TERB1: variants seen among roughly 807,000 people sequenced by gnomAD.
TERB1 encodes the protein telomere repeat binding bouquet formation protein 1, also known as telomere repeats-binding bouquet formation protein 1.
In TERB1, 63 loss-of-function variants were observed where a neutral mutation model predicts 92.3. The ratio of observed to expected loss-of-function variants is 0.68; its 90% CI spans 0.56 to 0.84. The LOEUF (loss-of-function observed/expected upper bound fraction) is 0.84, where lower values mean the gene tolerates loss of function less well. TERB1 is among the 40% of genes least tolerant of loss of function. TERB1 has a pLI of 0.00. For synonymous variants in TERB1, 252 were observed against 283.9 expected (o/e 0.89, Z 1.13); for missense variants, 709 against 843.7 (o/e 0.84, Z 1.98).
chr16:66,765,791 C>T (rs554787112), intron 16 of TERB1, among the ~76,000 whole-genome samples: 17 of 146,058 alleles, frequency 1.2e-4, no homozygotes, highest in South Asian at 6.5e-4. Context: ...ATATGTGCAT[C>T]TGCTGGGAGG....
At chr16:66,768,823 G>C (rs1388120353) in intron 14 of TERB1, among the ~76,000 whole-genome samples, 1 of 152,122 alleles carries the variant, frequency 6.6e-6, no homozygotes, top group East Asian at 1.9e-4. Flanking sequence ...GCTAACCCTA[G>C]CCGGGTGCGG....
intron 16 of TERB1, among the ~76,000 whole-genome samples, chr16:66,765,268 G>C (rs1233193250): frequency 6.6e-6 from 1 of 152,142 alleles, no homozygotes; most frequent in East Asian, 1.9e-4. Context: ...TTTGACCAGA[G>C]ATTCCCAAAC....
chr16:66,754,891 G>T lies in TERB1; in HGVS notation c.*85C>A. The T allele has an allele frequency of 1.6e-6, 2 of 1,240,986 alleles. No homozygotes were observed. Among genetic ancestry groups the T allele is most frequent in the Non-Finnish European group, 2.2e-6 (2 of 891,452 alleles). The allele number at this position is 1,240,986 out of a possible 1,614,324, so 76.9% of individuals were successfully genotyped here. On this transcript the variant is annotated 3_prime_UTR_variant, in exon 19 of 19. Transcript: ENST00000433154. ...TCCTCATTTCCACATTCCTTCTCAT[G>T]AGAGTTTAGAAAAATACTTTAAATG...
intron 16 of TERB1, among the ~76,000 whole-genome samples, chr16:66,766,710 C>T (rs751173145): frequency 6.6e-6 from 1 of 152,080 alleles, no homozygotes; most frequent in Non-Finnish European, 1.5e-5. Context: ...GGTATTAAGA[C>T]AAAAAGATAA....
At chr16:66,765,617 C>T (rs1457771382) in intron 16 of TERB1, among the ~76,000 whole-genome samples, 1 of 151,614 alleles carries the variant, frequency 6.6e-6, no homozygotes, top group African/African-American at 2.4e-5. Context: ...GCTGCCATGC[C>T]CAGCTAATTT....
At chr16:66,759,994 A>G (rs2018205261) in intron 16 of TERB1, among the ~76,000 whole-genome samples, 1 of 139,120 alleles carries the variant, frequency 7.2e-6, no homozygotes, top group Admixed American at 7.2e-5. Context: ...TTAGCCAGGC[A>G]TGGTGGTGGG....
In TERB1 at chr16:66,790,952, T is replaced by C. The variant is rs1420821280; in HGVS notation, c.99A>G (p.Gln33=). The change falls in exon 4 of 19, where the codon CAA becomes CAG. Residue 33 remains glutamine (Q), a synonymous_variant. Coordinates refer to ENST00000433154, the MANE Select transcript of TERB1 (RefSeq NM_001136505.2). ...LKYQMDNAFS[Q]KEALVTIHSI... ...AATGAATAGTGACCAAAGCTTCCTT[T>C]TGTGAAAAAGCATTGTCCATTTGAT... 11 of 1,549,856 alleles carry C rather than the reference T, an allele frequency of 7.1e-6. No homozygotes were observed. In the East Asian group the frequency reaches 2.7e-4, roughly 38 times the overall value.
rs112544756 is a variant in TERB1 at position 66,760,710 on chromosome 16, C to G, written c.1781-1420G>C. 1.0e-3 allele frequency among the ~76,000 whole-genome samples: 124 copies of G among 118,528 alleles called. 1 individual carries two copies. Among genetic ancestry groups the G allele is most frequent in the Non-Finnish European group, 1.9e-3 (111 of 59,264 alleles). The allele number at this position is 118,528 out of a possible 152,430, so 77.8% of individuals were successfully genotyped here. A position where few individuals can be genotyped will look rare whatever the true frequency, so the allele number is the denominator to read the frequency against. On this transcript the variant is annotated intron_variant, in intron 16 of 18. Transcript: ENST00000433154. The stretch of plus-strand genomic sequence containing the variant: ...CTGAGGCAGGAGAATCGCTTGAACC[C>G]GCCAGGCGGAGGTTGCAGTGAGCTG...
chr16:66,791,059 TA>T, intron 3 of TERB1, 40 bp from the exon 4 acceptor site: 1 of 1,195,098 alleles, frequency 8.4e-7, no homozygotes, highest in Non-Finnish European at 1.2e-6. Context: ...CCAAAAGGTT[TA>T]TTTCATAAAC....
chr16:66,778,654 G>A (rs2018587435), intron 10 of TERB1, among the ~76,000 whole-genome samples: 1 of 152,142 alleles, frequency 6.6e-6, no homozygotes, highest in Admixed American at 6.6e-5. Context: ...CTGACCTCAG[G>A]TGATCTGCCC....
chr16:66,778,580 G>T (rs2018586478), intron 10 of TERB1, among the ~76,000 whole-genome samples: 1 of 151,980 alleles, frequency 6.6e-6, no homozygotes, highest in Non-Finnish European at 1.5e-5. Context: ...ACCACGTTTG[G>T]CTAATTTTTG....
intron 2 of TERB1, among the ~76,000 whole-genome samples, chr16:66,800,620 T>TA (rs1959250284): frequency 6.6e-6 from 1 of 151,984 alleles, no homozygotes; most frequent in Admixed American, 6.5e-5. Flanking sequence ...TCTTTTTGTG[T>TA]AAGGCTGGCA....
At chr16:66,801,829 T>C (rs546320280), upstream of TERB1, among the ~76,000 whole-genome samples, 87 of 152,250 alleles carry the variant, frequency 5.7e-4, no homozygotes, top group Non-Finnish European at 1.0e-3. Context: ...ATTAGGGGAC[T>C]GTGCACGCGG....
Position 66,786,209 on chromosome 16 carries a change from A to C in TERB1, c.461+16T>G. 6.5e-7 allele frequency: 1 copy of C among 1,543,920 alleles called. No individual in the cohort carries two copies. Among genetic ancestry groups the C allele is most frequent in the Non-Finnish European group, 8.8e-7 (1 of 1,142,082 alleles). Reference sequence around the variant, plus strand: ...AGTAATGAATAATTAACAAAAAGAAATTTGTATTTGTTTACCTGAATAACC... The same window carrying C: ...AGTAATGAATAATTAACAAAAAGAACTTTGTATTTGTTTACCTGAATAACC... On this transcript the variant is annotated intron_variant, in intron 7 of 18. Coordinates refer to ENST00000433154, the MANE Select transcript of TERB1 (RefSeq NM_001136505.2).
chr16:66,769,962 C>T lies in TERB1; in HGVS notation c.1619+1G>A. On this transcript the variant is annotated splice_donor_variant, in intron 14 of 18. Coordinates refer to ENST00000433154, the MANE Select transcript of TERB1 (RefSeq NM_001136505.2). LOFTEE classifies it high-confidence loss of function. Reference sequence around the variant, plus strand: ...AGTTACACACAATTATTAAACTATACCTTGATTGAGAAACAAAATTCTTTT... The same window carrying T: ...AGTTACACACAATTATTAAACTATATCTTGATTGAGAAACAAAATTCTTTT... The T allele has an allele frequency of 1.3e-6, 2 of 1,541,384 alleles. No homozygotes were observed. Among genetic ancestry groups the T allele is most frequent in the South Asian group, 1.2e-5 (1 of 83,620 alleles).
intron 10 of TERB1, among the ~76,000 whole-genome samples, chr16:66,778,174 T>C (rs764262796): frequency 6.6e-6 from 1 of 152,222 alleles, no homozygotes; most frequent in Non-Finnish European, 1.5e-5. Context: ...TCTGACCTCA[T>C]ACTTAGCAGA....
intron 13 of TERB1, 135 bp downstream of exon 13, chr16:66,772,454 C>G: frequency 5.2e-6 from 4 of 771,726 alleles, no homozygotes; most frequent in Admixed American, 3.3e-5. Flanking sequence ...TGCACTCCAA[C>G]CTGGGCAACA....
intron 11 of TERB1, among the ~76,000 whole-genome samples, chr16:66,776,787 C>A (rs2018556159): frequency 6.6e-6 from 1 of 152,058 alleles, no homozygotes; most frequent in Non-Finnish European, 1.5e-5. Flanking sequence ...AAGAAAGAAT[C>A]TTTGAAAGTT....
chr16:66,785,346 T>C (rs1380999732), intron 9 of TERB1, among the ~76,000 whole-genome samples: 1 of 152,202 alleles, frequency 6.6e-6, no homozygotes, highest in Non-Finnish European at 1.5e-5. Context: ...CCTGGCCTAA[T>C]GTTGTATTTT....
Sources: allele counts gnomAD v4.1 joint callset (sites outside exome capture counted in the v4.1 genomes callset), GRCh38; gene constraint gnomAD v4.1.1; transcripts MANE v1.5; gene names NCBI Gene and HGNC (gene_info 2026-07-23, HGNC 2026-07-21).